The following MTDH variants were observed in gnomAD, a reference collection of about 807,000 sequenced individuals.
MTDH encodes protein LYRIC.
A neutral mutation model predicts 72.7 loss-of-function variants in MTDH; 34 were observed. That is an observed-to-expected ratio of 0.47 (90% CI 0.36 to 0.62). MTDH has a LOEUF of 0.62. Among genes scored for constraint, MTDH ranks in the 20% least tolerant of loss-of-function variants. The probability of loss-of-function intolerance (pLI) is 0.00; values close to 1 mark genes in which losing one functional copy is unlikely to be tolerated. For synonymous variants in MTDH, 266 were observed against 268.9 expected (o/e 0.99, Z 0.10); for missense variants, 677 against 699.4 (o/e 0.97, Z 0.36).
intron 2 of MTDH, among the ~76,000 whole-genome samples, chr8:97,678,678 A>G (rs113655231): frequency 4.2e-4 from 61 of 144,200 alleles, no homozygotes; most frequent in African/African-American, 1.2e-3. Flanking sequence ...GCCTCAAACA[A>G]TCCTCCCACC....
chr8:97,655,066 T>A (rs1173196148), intron 1 of MTDH, among the ~76,000 whole-genome samples: 1 of 151,948 alleles, frequency 6.6e-6, no homozygotes, highest in Non-Finnish European at 1.5e-5. Context: ...ACCACTGCAC[T>A]CCAGCCTGGG....
At chr8:97,662,493 T>C (rs770213923) in intron 2 of MTDH, among the ~76,000 whole-genome samples, 3 of 150,392 alleles carry the variant, frequency 2.0e-5, no homozygotes, top group Non-Finnish European at 3.0e-5. Context: ...TGGTATGAAA[T>C]GGTTGCTGCT....
At chr8:97,702,994 C>T (rs1814197179) in intron 7 of MTDH, among the ~76,000 whole-genome samples, 1 of 152,166 alleles carries the variant, frequency 6.6e-6, no homozygotes, top group Non-Finnish European at 1.5e-5. Flanking sequence ...ATAATTGAAG[C>T]AAACTATACT....
chr8:97,697,034 C>A (rs1446521842), intron 6 of MTDH, among the ~76,000 whole-genome samples: 1 of 148,190 alleles, frequency 6.7e-6, no homozygotes, highest in Non-Finnish European at 1.5e-5. Flanking sequence ...TCGCATTAGT[C>A]CAGGAGGTTG....
chr8:97,670,683 G>A (rs576760619), intron 2 of MTDH, among the ~76,000 whole-genome samples: 7 of 152,186 alleles, frequency 4.6e-5, no homozygotes, highest in Middle Eastern at 3.4e-3. Context: ...AGAAAAGAGG[G>A]TTCAGTTGGC....
At chr8:97,648,492 G>A (rs1811645754) in intron 1 of MTDH, among the ~76,000 whole-genome samples, 5 of 133,240 alleles carry the variant, frequency 3.8e-5, no homozygotes, top group Admixed American at 3.7e-4. Flanking sequence ...AAAGAAAATT[G>A]TCTTTTTTTT....
intron 10 of MTDH, among the ~76,000 whole-genome samples, chr8:97,721,460 C>T (rs1815120846): frequency 2.0e-5 from 3 of 152,016 alleles, no homozygotes. Context: ...CACACAAATA[C>T]AACTTCAGAT....
intron 1 of MTDH, among the ~76,000 whole-genome samples, chr8:97,660,750 A>T (rs1443960079): frequency 6.6e-6 from 1 of 152,148 alleles, no homozygotes; most frequent in Non-Finnish European, 1.5e-5. Flanking sequence ...GAGATTACAC[A>T]GTTAATTGGT....
intron 2 of MTDH, among the ~76,000 whole-genome samples, chr8:97,678,232 TG>T (rs1395776177): frequency 6.6e-6 from 1 of 152,222 alleles, no homozygotes; most frequent in Non-Finnish European, 1.5e-5. Flanking sequence ...TTAACTTTTT[TG>T]AATGTTTGTG....
chr8:97,718,153 A>G (rs1814951187), intron 9 of MTDH, among the ~76,000 whole-genome samples: 1 of 151,940 alleles, frequency 6.6e-6, no homozygotes, highest in Non-Finnish European at 1.5e-5. Context: ...AGTAATTGTC[A>G]TGCCTCAGCC....
At chr8:97,648,465 T>G (rs572188918) in intron 1 of MTDH, among the ~76,000 whole-genome samples, 1 of 151,800 alleles carries the variant, frequency 6.6e-6, no homozygotes, top group African/African-American at 2.4e-5. Context: ...TGGAAGCACA[T>G]AATCAGGATT....
At chr8:97,686,876 A>T (rs12678252) in intron 3 of MTDH, 124 bp downstream of exon 3, 5 of 498,432 alleles carry the variant, frequency 1.0e-5, no homozygotes, top group Non-Finnish European at 3.4e-6. Flanking sequence ...ATTACTGTAG[A>T]CCTTAATATA....
Position 97,687,556 on chromosome 8 carries a change from C to T in MTDH, c.696C>T (p.Thr232=), listed in dbSNP as rs375008582. 1 of 1,612,180 alleles carries T rather than the reference C, an allele frequency of 6.2e-7. No individual in the cohort carries two copies. Among genetic ancestry groups the T allele is most frequent in the African/African-American group, 1.3e-5 (1 of 74,902 alleles). The part of the protein sequence containing the change: ...PGIENTITVT[T]EQLTTASFPV... ...TAGAAAATACCATCACAGTTACCAC[C>T]GAGCAACTTACAACCGCATCATTTC... The change falls in exon 4 of 12, where the codon ACC becomes ACT. Residue 232 remains threonine (T), a synonymous_variant. Transcript: ENST00000336273.
chr8:97,675,376 C>T (rs1158906510), intron 2 of MTDH, among the ~76,000 whole-genome samples: 1 of 151,808 alleles, frequency 6.6e-6, no homozygotes, highest in East Asian at 1.9e-4. Context: ...GCCTGGCCGA[C>T]ATGGCGAAAC....
chr8:97,646,017 C>T (rs1198901364), intron 1 of MTDH, among the ~76,000 whole-genome samples: 1 of 152,082 alleles, frequency 6.6e-6, no homozygotes, highest in African/African-American at 2.4e-5. Flanking sequence ...GTAGTGGAGA[C>T]AGATTCATAA....
At chr8:97,679,220 A>G (rs951840417) in intron 2 of MTDH, among the ~76,000 whole-genome samples, 1 of 152,206 alleles carries the variant, frequency 6.6e-6, no homozygotes, top group South Asian at 2.1e-4. Context: ...AAATGGAACT[A>G]TGTAAGTAAT....
At chr8:97,667,168 A>G (rs1482652859) in intron 2 of MTDH, among the ~76,000 whole-genome samples, 1 of 152,102 alleles carries the variant, frequency 6.6e-6, no homozygotes, top group East Asian at 1.9e-4. Flanking sequence ...AATTTTTTGT[A>G]GAGACGCTGT....
intron 3 of MTDH, 28 bp from the exon 4 acceptor site, chr8:97,687,401 T>C (rs1813409060): frequency 6.4e-7 from 1 of 1,564,482 alleles, no homozygotes; most frequent in African/African-American, 1.4e-5. Context: ...CCTTACTGAA[T>C]AACATTTTTT....
chr8:97,661,511 G>A (rs1296764516), intron 2 of MTDH, among the ~76,000 whole-genome samples: 2 of 152,150 alleles, frequency 1.3e-5, no homozygotes, highest in Non-Finnish European at 2.9e-5. Flanking sequence ...GTGGAATTGT[G>A]TTACCTTTGT....
Sources: allele counts gnomAD v4.1 joint callset (sites outside exome capture counted in the v4.1 genomes callset), GRCh38; gene constraint gnomAD v4.1.1; transcripts MANE v1.5; gene names NCBI Gene and HGNC (gene_info 2026-07-23, HGNC 2026-07-21).